Variants in TPM4 observed in about 807,000 individuals in gnomAD.
TPM4 encodes tropomyosin 4, also known as tropomyosin alpha-4 chain.
In TPM4, 17 loss-of-function variants were observed where a neutral mutation model predicts 35.8. The ratio of observed to expected loss-of-function variants is 0.47; its 90% CI spans 0.32 to 0.71. The LOEUF (loss-of-function observed/expected upper bound fraction) is 0.71, where lower values mean the gene tolerates loss of function less well. Ranked by LOEUF, TPM4 falls within the 30% of genes least tolerant of loss-of-function variation. The probability of loss-of-function intolerance (pLI) is 0.03; values close to 1 mark genes in which losing one functional copy is unlikely to be tolerated. For missense variants in TPM4, 240 were observed against 320.9 expected (o/e 0.75, Z 1.93); for synonymous variants, 120 against 122.9 (o/e 0.98, Z 0.15).
At chr19:16,083,912 G>T (rs2090517147) in intron 2 of TPM4, among the ~76,000 whole-genome samples, 1 of 151,928 alleles carries the variant, frequency 6.6e-6, no homozygotes, top group Non-Finnish European at 1.5e-5. Flanking sequence ...GGGACTACAG[G>T]CGCATGCCAT....
At chr19:16,088,458 A>G in intron 4 of TPM4, 3 of 1,075,158 alleles carry the variant, frequency 2.8e-6, no homozygotes, top group Non-Finnish European at 1.1e-6. Context: ...CCCGGTCAGT[A>G]TGTAAATGCT....
chr19:16,097,830 G>C (rs763689339), intron 7 of TPM4, among the ~76,000 whole-genome samples: 7 of 151,872 alleles, frequency 4.6e-5, no homozygotes, highest in Non-Finnish European at 7.4e-5. Context: ...GGGAAGCTCT[G>C]TCCCCATTAC....
intron 7 of TPM4, among the ~76,000 whole-genome samples, chr19:16,097,919 C>T (rs1476957531): frequency 6.6e-6 from 1 of 152,184 alleles, no homozygotes. Flanking sequence ...TCTCCCTGCT[C>T]CTAACTGCCG....
At chr19:16,076,000 G>T, upstream of TPM4, 2 of 1,527,146 alleles carry the variant, frequency 1.3e-6, no homozygotes, top group East Asian at 4.9e-5. Context: ...CCTCGGGGAC[G>T]TGACCCCCCC....
At chr19:16,091,140 C>T (rs2090621656) in intron 5 of TPM4, among the ~76,000 whole-genome samples, 1 of 152,164 alleles carries the variant, frequency 6.6e-6, no homozygotes, top group Non-Finnish European at 1.5e-5. Flanking sequence ...GCAACCTCCA[C>T]CTCCTAGGCT....
intron 4 of TPM4, 65 bp from the exon 5 acceptor site, chr19:16,088,980 G>A (rs2090592469): frequency 1.9e-6 from 3 of 1,608,286 alleles, no homozygotes; most frequent in Non-Finnish European, 2.6e-6. Context: ...TTATTGTTGG[G>A]GCGATTGCTA....
At chr19:16,098,171 G>A (rs935341039) in intron 7 of TPM4, among the ~76,000 whole-genome samples, 1 of 152,068 alleles carries the variant, frequency 6.6e-6, no homozygotes, top group East Asian at 1.9e-4. Flanking sequence ...GGCCGGGCAC[G>A]GTGGCTCACG....
intron 5 of TPM4, among the ~76,000 whole-genome samples, chr19:16,091,457 G>A (rs1426839840): frequency 6.6e-6 from 1 of 152,136 alleles, no homozygotes; most frequent in Admixed American, 6.6e-5. Flanking sequence ...GGTTGTGAAC[G>A]GTGTCACCAA....
chr19:16,096,461 C>A (rs1216610382), intron 7 of TPM4, among the ~76,000 whole-genome samples: 1 of 152,200 alleles, frequency 6.6e-6, no homozygotes, highest in Non-Finnish European at 1.5e-5. Flanking sequence ...TTTGGAAAAA[C>A]CAGCAAGCCT....
At chr19:16,076,752 C>T in intron 1 of TPM4, 55 bp downstream of exon 1, 2 of 1,284,096 alleles carry the variant, frequency 1.6e-6, no homozygotes, top group Non-Finnish European at 2.0e-6. Context: ...CGCGCGCCCT[C>T]CTTTCTTCCC....
At chr19:16,097,724 C>G (rs1258135016) in intron 7 of TPM4, among the ~76,000 whole-genome samples, 1 of 152,166 alleles carries the variant, frequency 6.6e-6, no homozygotes, top group South Asian at 2.1e-4. Context: ...ATCTTCCAGA[C>G]TACCCCTTGA....
intron 2 of TPM4, among the ~76,000 whole-genome samples, chr19:16,085,579 A>C (rs1325550100): frequency 6.6e-6 from 1 of 152,100 alleles, no homozygotes; most frequent in Non-Finnish European, 1.5e-5. Flanking sequence ...AAATAAAAGA[A>C]AAAGAAAGGG....
chr19:16,081,027 G>A (rs1435098937), intron 1 of TPM4: 2 of 398,472 alleles, frequency 5.0e-6, no homozygotes, highest in Non-Finnish European at 4.4e-6. Context: ...CAGCCAGGCG[G>A]ATTGAAGGAT....
At chr19:16,101,189 C>A (rs1483584040) in intron 7 of TPM4, 75 bp from the exon 8 acceptor site, 1 of 1,266,714 alleles carries the variant, frequency 7.9e-7, no homozygotes, top group Non-Finnish European at 1.1e-6. Flanking sequence ...GAAAAAAAAA[C>A]AAATCTTTTT....
chr19:16,093,805 C>A, intron 7 of TPM4, 52 bp downstream of exon 7: 1 of 1,597,606 alleles, frequency 6.3e-7, no homozygotes, highest in Middle Eastern at 2.2e-4. Context: ...CCCTCTGGGA[C>A]ACATCCACGG....
At chr19:16,096,712 C>T (rs2090702062) in intron 7 of TPM4, among the ~76,000 whole-genome samples, 1 of 152,108 alleles carries the variant, frequency 6.6e-6, no homozygotes, top group South Asian at 2.1e-4. Context: ...GTGAACGGGC[C>T]TCCATGAACA....
intron 7 of TPM4, among the ~76,000 whole-genome samples, chr19:16,094,293 GGA>G (rs1275529366): frequency 6.6e-6 from 1 of 152,090 alleles, no homozygotes; most frequent in Non-Finnish European, 1.5e-5. Context: ...TAGCACTTTG[GGA>G]GGCCGAGGCG....
intron 3 of TPM4, among the ~76,000 whole-genome samples, chr19:16,087,475 G>A (rs1031535441): frequency 1.3e-5 from 2 of 152,222 alleles, no homozygotes; most frequent in African/African-American, 4.8e-5. Flanking sequence ...TATTTGGAAG[G>A]CTGAGACAGG....
chr19:16,090,398 G>C (rs541265728), intron 5 of TPM4, among the ~76,000 whole-genome samples: 1 of 151,286 alleles, frequency 6.6e-6, no homozygotes, highest in Non-Finnish European at 1.5e-5. Context: ...GATTACAGGC[G>C]TGGGCCACCG....
Sources: allele counts gnomAD v4.1 joint callset (sites outside exome capture counted in the v4.1 genomes callset), GRCh38; gene constraint gnomAD v4.1.1; transcripts MANE v1.5; gene names NCBI Gene and HGNC (gene_info 2026-07-23, HGNC 2026-07-21).